Variants in PFDN4 observed in about 807,000 individuals in gnomAD.
The protein encoded by PFDN4 is prefoldin subunit 4.
In PFDN4, 6 loss-of-function variants were observed where a neutral mutation model predicts 17.6. The ratio of observed to expected loss-of-function variants is 0.34; its 90% confidence interval spans 0.19 to 0.67. PFDN4 has a LOEUF of 0.67. Among genes scored for constraint, PFDN4 ranks in the 30% least tolerant of loss-of-function variants. The pLI, the probability that PFDN4 is intolerant of heterozygous loss-of-function variation, is 0.68. For missense variants in PFDN4, 119 were observed against 158.4 expected, an observed-to-expected ratio of 0.75 and a Z score of 1.33; for synonymous variants, 48 against 51.1, an observed-to-expected ratio of 0.94 and a Z score of 0.26.
intron 1 of PFDN4, among the ~76,000 whole-genome samples, chr20:54,210,633 T>G (rs2092754551): frequency 6.6e-6 from 1 of 152,212 alleles, no homozygotes; most frequent in Admixed American, 6.5e-5. Context: ...CTGTTCATTA[T>G]CCTATATACA....
At chr20:54,210,424 A>C (rs1235514471) in intron 1 of PFDN4, among the ~76,000 whole-genome samples, 1 of 150,088 alleles carries the variant, frequency 6.7e-6, no homozygotes, top group Non-Finnish European at 1.5e-5. Flanking sequence ...AGTGAAACAG[A>C]GAGAGATAGC....
rs115645561 is a variant in PFDN4, at chr20:54,215,784, T to A, written c.273+344T>A. On this transcript the variant is annotated intron_variant, in intron 3 of 3. Transcript: ENST00000371419. The stretch of plus-strand genomic sequence containing the variant: ...AAAGAAAAATCCCCTGTAATTCTGC[T>A]ATGCAGAGGTAACCATTCATAGTGA... 6.3e-3 allele frequency among the ~76,000 whole-genome samples: 961 copies of A among 152,388 alleles called. 13 individuals carry two copies. The highest frequency in any genetic ancestry group is 0.022 in the African/African-American group (909 of 41,590).
intron 1 of PFDN4, among the ~76,000 whole-genome samples, chr20:54,213,697 TA>T (rs1568676208): frequency 6.6e-6 from 1 of 152,248 alleles, no homozygotes; most frequent in African/African-American, 2.4e-5. Context: ...GCTATTTTTT[TA>T]TTATTTCATT....
intron 1 of PFDN4, among the ~76,000 whole-genome samples, chr20:54,213,427 A>G (rs1241307040): frequency 6.6e-6 from 1 of 152,160 alleles, no homozygotes; most frequent in Admixed American, 6.5e-5. Context: ...ACACGTGCAC[A>G]CTCACAGAGA....
At chr20:54,216,703 C>T (rs1344512302) in intron 3 of PFDN4, among the ~76,000 whole-genome samples, 1 of 152,022 alleles carries the variant, frequency 6.6e-6, no homozygotes, top group Non-Finnish European at 1.5e-5. Flanking sequence ...GTCGCCCAGG[C>T]TGGAGTGCAA....
intron 1 of PFDN4, among the ~76,000 whole-genome samples, chr20:54,210,147 A>G (rs1198848434): frequency 3.3e-5 from 5 of 152,244 alleles, no homozygotes; most frequent in South Asian, 2.1e-4. Context: ...CTCTGAGTGC[A>G]TTTAATACAA....
At chr20:54,215,833 GT>G (rs2092761745) in intron 3 of PFDN4, among the ~76,000 whole-genome samples, 1 of 152,196 alleles carries the variant, frequency 6.6e-6, no homozygotes, top group African/African-American at 2.4e-5. Flanking sequence ...TTTCTTTTAT[GT>G]TCTCTCTGCC....
intron 2 of PFDN4, among the ~76,000 whole-genome samples, chr20:54,214,700 G>T (rs1420368208): frequency 6.6e-6 from 1 of 152,066 alleles, no homozygotes; most frequent in Non-Finnish European, 1.5e-5. Context: ...CTTGGCTGGC[G>T]GTGGAACAGC....
At chr20:54,213,279 G>A (rs966813378) in intron 1 of PFDN4, among the ~76,000 whole-genome samples, 3 of 152,186 alleles carry the variant, frequency 2.0e-5, no homozygotes. Flanking sequence ...AAATGGAAGG[G>A]AAACCCTAAG....
chr20:54,208,141 G>T lies in PFDN4; in HGVS notation c.24+17G>T. The stretch of plus-strand genomic sequence containing the variant: ...AAGAAGGCGGTGAGTGGGGAGCTCG[G>T]GGCTCTGGATGCTCGGGCGGCGCCG... On this transcript the variant is annotated intron_variant, in intron 1 of 3. Coordinates refer to ENST00000371419, the MANE Select transcript of PFDN4 (RefSeq NM_002623.4). 6.5e-7 allele frequency: 1 copy of T among 1,547,334 alleles called. No homozygotes were observed. Among genetic ancestry groups the T allele is most frequent in the Non-Finnish European group, 8.7e-7 (1 of 1,144,956 alleles).
In PFDN4 at chr20:54,214,818, T is replaced by A. The variant is rs181160588; in HGVS notation, c.132+360T>A. ...TGCCAGTGCCACCTACCCCAGTAAA[T>A]CTGGGGCCTGTGTCCAGCCGTCCCC... On this transcript the variant is annotated intron_variant, in intron 2 of 3. Coordinates refer to ENST00000371419, the MANE Select transcript of PFDN4 (RefSeq NM_002623.4). Among the ~76,000 whole-genome samples, 10 of 152,260 alleles carry A rather than the reference T, an allele frequency of 6.6e-5. No individual in the cohort carries two copies. The East Asian group carries it at 1.9e-3, about 29-fold the overall frequency.
chr20:54,210,228 T>C (rs993879740), intron 1 of PFDN4, among the ~76,000 whole-genome samples: 3 of 151,824 alleles, frequency 2.0e-5, no homozygotes, highest in African/African-American at 7.3e-5. Flanking sequence ...TATAGAGGGG[T>C]AGGTGGTGGC....
At chr20:54,217,857 G>A (rs142555558) in intron 3 of PFDN4, among the ~76,000 whole-genome samples, 14 of 152,244 alleles carry the variant, frequency 9.2e-5, no homozygotes, top group South Asian at 4.2e-4. Flanking sequence ...CTTAGCATGC[G>A]TGAGAATCAC....
intron 1 of PFDN4, among the ~76,000 whole-genome samples, chr20:54,210,848 A>T (rs1450057340): frequency 6.6e-6 from 1 of 152,224 alleles, no homozygotes; most frequent in Non-Finnish European, 1.5e-5. Context: ...TGAAAGTGGG[A>T]TAGTGGCTCT....
rs377687060 is a variant in PFDN4, at chr20:54,219,774, G to A, written c.*624G>A. The A allele has an allele frequency of 2.5e-6, 1 of 398,276 alleles. No individual in the cohort carries two copies. The highest frequency in any genetic ancestry group is 4.4e-6 in the Non-Finnish European group (1 of 225,956). The allele number at this position is 398,276 out of a possible 1,614,324, so 24.7% of individuals were successfully genotyped here. A position where few individuals can be genotyped will look rare whatever the true frequency, so the allele number is the denominator to read the frequency against. On this transcript the variant is annotated 3_prime_UTR_variant, in exon 4 of 4. Transcript: ENST00000371419. ...AAACAGGGCAGAACCACAGAAGAACGTTTTAGAAACCAAGAGATGTGCAGA... is the reference window on the plus strand; with the variant it reads ...AAACAGGGCAGAACCACAGAAGAACATTTTAGAAACCAAGAGATGTGCAGA...
At chr20:54,208,417 C>T (rs1568674426) in intron 1 of PFDN4, 1 of 396,578 alleles carries the variant, frequency 2.5e-6, no homozygotes, top group East Asian at 4.3e-5. Context: ...GTCTGAGGAA[C>T]CTGCAGCCCC....
intron 3 of PFDN4, among the ~76,000 whole-genome samples, chr20:54,216,839 T>C (rs2092763194): frequency 6.6e-6 from 1 of 151,888 alleles, no homozygotes; most frequent in Admixed American, 6.6e-5. Flanking sequence ...GTACTTTTGG[T>C]AGAGACAGGG....
intron 1 of PFDN4, 144 bp downstream of exon 1, chr20:54,208,268 G>C: frequency 1.4e-6 from 1 of 708,642 alleles, no homozygotes; most frequent in Non-Finnish European, 2.1e-6. Flanking sequence ...GAGCGGTCCC[G>C]CGGCAAGGCC....
At chr20:54,210,404 A>G (rs1462431595) in intron 1 of PFDN4, among the ~76,000 whole-genome samples, 1 of 152,182 alleles carries the variant, frequency 6.6e-6, no homozygotes, top group Non-Finnish European at 1.5e-5. Context: ...TGTGTATGCC[A>G]GTGAGTGAGA....
Sources: allele counts gnomAD v4.1 joint callset (sites outside exome capture counted in the v4.1 genomes callset), GRCh38; gene constraint gnomAD v4.1.1; transcripts MANE v1.5; gene names NCBI Gene and HGNC (gene_info 2026-07-23, HGNC 2026-07-21).